The following ZNF559 variants were observed in gnomAD, a reference collection of about 807,000 sequenced individuals.
The protein encoded by ZNF559 is putative protein product of Nbla00121.
In ZNF559, 17 loss-of-function variants were observed where a neutral mutation model predicts 14.2. The ratio of observed to expected loss-of-function variants is 1.20; its 90% CI spans 0.82 to 1.80. The LOEUF is 1.80. Among genes scored for constraint, ZNF559 ranks in the 40% most tolerant of loss-of-function variants. ZNF559 has a pLI of 0.00. For synonymous variants in ZNF559, 244 were observed against 212.4 expected (o/e 1.15, Z -1.29); for missense variants, 740 against 629.7 (o/e 1.18, Z -1.88).
rs144158504 is a variant in ZNF559, at chr19:9,342,596, A to C, written c.1145A>C (p.Gln382Pro). ...ACTCACACTGGTGAGAAGCCTTATC[A>C]ATGTAAGGAATGTGGAAAAGCCTTT... ...MRTHTGEKPY[Q>P]CKECGKAFIN... The change falls in exon 7 of 7, where the codon CAA becomes CCA. Residue 382 changes from glutamine (Q) to proline (P), a missense_variant. Gln to Pro is a moderately conservative substitution (Grantham distance 76). Coordinates refer to ENST00000603380, the MANE Select transcript of ZNF559 (RefSeq NM_032497.3). 4.5e-4 allele frequency: 728 copies of C among 1,614,090 alleles called. 1 individual carries two copies. The African/African-American group carries it at 8.6e-3, about 19-fold the overall frequency.
At chr19:9,337,702 A>G (rs747567959) in intron 2 of ZNF559, 94 bp from the exon 3 acceptor site, 12 of 877,766 alleles carry the variant, frequency 1.4e-5, no homozygotes, top group Non-Finnish European at 1.6e-5. Context: ...TGTTTCTGGC[A>G]CATGGGTACT....
Position 9,324,241 on chromosome 19 carries a change from T to G in ZNF559, c.-206+13T>G, listed in dbSNP as rs540720037. ...GTTGGCGTCTGAGGTAAGTTTTTGT[T>G]TCTGGGCGGCGTTCGGTGGTGTCCC... On this transcript the variant is annotated intron_variant, in intron 1 of 6. Coordinates refer to ENST00000603380, the MANE Select transcript of ZNF559 (RefSeq NM_032497.3). 5 of 1,536,086 alleles carry G rather than the reference T, an allele frequency of 3.3e-6. No individual in the cohort carries two copies. In the South Asian group the frequency reaches 5.9e-5, roughly 18 times the overall value.
intron 2 of ZNF559, among the ~76,000 whole-genome samples, chr19:9,335,815 A>G (rs1281327999): frequency 6.6e-6 from 1 of 152,220 alleles, no homozygotes; most frequent in African/African-American, 2.4e-5. Flanking sequence ...GATTACAGGC[A>G]TGAGTCACAC....
At chr19:9,335,151 AAATT>A (rs1226321438) in intron 2 of ZNF559, among the ~76,000 whole-genome samples, 2 of 150,942 alleles carry the variant, frequency 1.3e-5, no homozygotes, top group African/African-American at 4.9e-5. Context: ...AAAAAAAAAA[AAATT>A]AGCTGGTCAT....
At chr19:9,332,718 A>G (rs893694258) in intron 2 of ZNF559, among the ~76,000 whole-genome samples, 2 of 152,204 alleles carry the variant, frequency 1.3e-5, no homozygotes, top group African/African-American at 4.8e-5. Context: ...GGTAAGATTT[A>G]ATTATGATTT....
intron 5 of ZNF559, among the ~76,000 whole-genome samples, chr19:9,340,733 A>ATTTTTTTTT (rs201367378): frequency 0.099 from 12,275 of 124,084 alleles, 894 homozygotes; most frequent in African/African-American, 0.17. Flanking sequence ...TGCCTGGCTA[A>ATTTTTTTTT]TTTTTTTTTT....
At chr19:9,324,529 A>G (rs1253122500) in intron 1 of ZNF559, 166 bp from the exon 2 acceptor site, 11 of 1,262,454 alleles carry the variant, frequency 8.7e-6, no homozygotes, top group East Asian at 2.5e-5. Context: ...GCGGCGGCTC[A>G]CGCCTGTCAT....
At chr19:9,340,562 G>T (rs1168546275) in intron 5 of ZNF559, among the ~76,000 whole-genome samples, 27 of 91,146 alleles carry the variant, frequency 3.0e-4, no homozygotes, top group Admixed American at 9.5e-4. Flanking sequence ...TTCTCTCTCT[G>T]TCTCTAAAAA....
At chr19:9,340,506 T>C (rs1229201703) in intron 5 of ZNF559, among the ~76,000 whole-genome samples, 1 of 151,386 alleles carries the variant, frequency 6.6e-6, no homozygotes, top group East Asian at 1.9e-4. Context: ...GTACCTCTTT[T>C]TTGTTCACTA....
intron 5 of ZNF559, 113 bp downstream of exon 5, chr19:9,339,432 A>C: frequency 8.0e-7 from 1 of 1,243,684 alleles, no homozygotes; most frequent in South Asian, 1.5e-5. Context: ...CAGGCGAAAC[A>C]TTGTTTCCAT....
rs913608303 is a variant in ZNF559 at position 9,343,122 on chromosome 19, A to G, written c.*54A>G. Reference sequence around the variant, plus strand: ...GTAAAGCCACTACTTCCTCACACTTACTGAACATGTACTCATTCATAGTGG... The same window carrying G: ...GTAAAGCCACTACTTCCTCACACTTGCTGAACATGTACTCATTCATAGTGG... On this transcript the variant is annotated 3_prime_UTR_variant, in exon 7 of 7. Transcript: ENST00000603380. 7 of 1,562,024 alleles carry G rather than the reference A, an allele frequency of 4.5e-6. No individual in the cohort carries two copies. The highest frequency in any genetic ancestry group is 1.4e-5 in the African/African-American group (1 of 73,916).
chr19:9,327,072 G>C (rs1599284167), intron 2 of ZNF559, among the ~76,000 whole-genome samples: 1 of 152,218 alleles, frequency 6.6e-6, no homozygotes, highest in Non-Finnish European at 1.5e-5. Flanking sequence ...CCTATCAGTA[G>C]TCACATACTA....
rs8103043 is a variant in ZNF559 at position 9,344,300 on chromosome 19, G to A, written c.*1232G>A. Reference sequence around the variant, plus strand: ...TTTTTTAATGAAAAACTTAGTTATAGGGAATTGAGGAACATTTAGGGGTAC... The same window carrying A: ...TTTTTTAATGAAAAACTTAGTTATAAGGAATTGAGGAACATTTAGGGGTAC... On this transcript the variant is annotated 3_prime_UTR_variant, in exon 7 of 7. Transcript: ENST00000603380. 0.61 allele frequency: 92,657 copies of A among 151,958 alleles called. 28,869 individuals are homozygous for A. Among genetic ancestry groups the A allele is most frequent in the African/African-American group, 0.73 (30,164 of 41,406 alleles). The allele number at this position is 151,958 out of a possible 1,614,324, so 9.4% of individuals were successfully genotyped here. A position where few individuals can be genotyped will look rare whatever the true frequency, so the allele number is the denominator to read the frequency against.
At chr19:9,337,266 A>G (rs1330849432) in intron 2 of ZNF559, among the ~76,000 whole-genome samples, 3 of 152,260 alleles carry the variant, frequency 2.0e-5, no homozygotes, top group Non-Finnish European at 4.4e-5. Flanking sequence ...GGCCTTCAGC[A>G]TAAATCATAT....
rs2067686893 is a variant in ZNF559 at position 9,344,384 on chromosome 19, C to G, written c.*1316C>G. The G allele has an allele frequency of 6.6e-6, 1 of 151,972 alleles. No individual in the cohort carries two copies. The highest frequency in any genetic ancestry group is 2.4e-5 in the African/African-American group (1 of 41,340). The allele number at this position is 151,972 out of a possible 1,614,324, so 9.4% of individuals were successfully genotyped here. On this transcript the variant is annotated 3_prime_UTR_variant, in exon 7 of 7. Transcript: ENST00000603380. ...ACTGGCCAGGCATGCTGGCTCACAC[C>G]TTAATTCCAGCAATTTGGGAGGCCA...
At chr19:9,325,786 C>CAAAAA (rs35775585) in intron 2 of ZNF559, among the ~76,000 whole-genome samples, 1 of 139,154 alleles carries the variant, frequency 7.2e-6, no homozygotes, top group South Asian at 2.3e-4. Context: ...ACTCCGTCTC[C>CAAAAA]AAAAAAAAAA....
chr19:9,343,661 T>C lies in ZNF559; in HGVS notation c.*593T>C. Reference sequence around the variant, plus strand: ...AGTGAAAGAGATGTTGGAAAGCCCTTGAACTTGGTCGTTAGGAAACATCCA... The same window carrying C: ...AGTGAAAGAGATGTTGGAAAGCCCTCGAACTTGGTCGTTAGGAAACATCCA... On this transcript the variant is annotated 3_prime_UTR_variant, in exon 7 of 7. Transcript: ENST00000603380. The C allele has an allele frequency of 1.0e-6, 1 of 988,004 alleles. No homozygotes were observed. The highest frequency in any genetic ancestry group is 1.2e-6 in the Non-Finnish European group (1 of 831,584). 61.2% of individuals were successfully genotyped at this position (988,004 alleles called of 1,614,324 possible).
In ZNF559 at chr19:9,339,380, C is replaced by T. The variant is rs546610690; in HGVS notation, c.160+61C>T. The T allele has an allele frequency of 1.2e-5, 18 of 1,539,530 alleles. 1 individual carries two copies. Among genetic ancestry groups the T allele is most frequent in the African/African-American group, 4.1e-5 (3 of 72,944 alleles). ...TCTGGAACAAATGTGTCTTAAGTAA[C>T]TATGTTCTAGACTCTGCTTGTTAAT... On this transcript the variant is annotated intron_variant, in intron 5 of 6. Coordinates refer to ENST00000603380, the MANE Select transcript of ZNF559 (RefSeq NM_032497.3).
rs1446580588 is a variant in ZNF559 at position 9,342,162 on chromosome 19, A to G, written c.711A>G (p.Gly237=). 1.9e-5 allele frequency: 31 copies of G among 1,610,970 alleles called. No homozygotes were observed. Among genetic ancestry groups the G allele is most frequent in the Non-Finnish European group, 2.6e-5 (31 of 1,179,184 alleles). Residue 237 remains glycine, a synonymous_variant, in exon 7 of 7, where the codon GGA becomes GGG. Coordinates refer to ENST00000603380, the MANE Select transcript of ZNF559 (RefSeq NM_032497.3). ...ALFVHMQTQD[G]EKFYECKACG... The stretch of plus-strand genomic sequence containing the variant: ...TTGTACACATGCAAACTCAAGATGG[A>G]GAAAAATTCTATGAATGTAAAGCAT...
Sources: gnomAD v4.1 joint callset for allele counts (sites outside exome capture counted in the v4.1 genomes callset) on GRCh38, gnomAD v4.1.1 for gene constraint, MANE v1.5 for transcripts, NCBI Gene and HGNC (gene_info 2026-07-23, HGNC 2026-07-21) for gene names.